CPLX2: variants seen among roughly 807,000 people sequenced by gnomAD.
The protein encoded by CPLX2 is complexin 2.
In CPLX2, 5 loss-of-function variants were observed where a neutral mutation model predicts 16.3. That is an observed-to-expected ratio of 0.31 (90% CI 0.16 to 0.64). The LOEUF is 0.64. Ranked by LOEUF, CPLX2 falls within the 30% of genes least tolerant of loss-of-function variation. The probability of loss-of-function intolerance (pLI) is 0.79; values close to 1 mark genes in which losing one functional copy is unlikely to be tolerated. For synonymous variants in CPLX2, 89 were observed against 73.2 expected, an observed-to-expected ratio of 1.22 and a Z score of -1.10; for missense variants, 144 against 181.4, an observed-to-expected ratio of 0.79 and a Z score of 1.18.
chr5:175,837,452 C>A (rs539846401), intron 2 of CPLX2: 1 of 152,226 alleles, frequency 6.6e-6, no homozygotes, highest in African/African-American at 2.4e-5. Context: ...GTGTTTTGCA[C>A]ACTAATTGCT....
chr5:175,822,371 C>T (rs1213743762), intron 2 of CPLX2, among the ~76,000 whole-genome samples: 1 of 152,204 alleles, frequency 6.6e-6, no homozygotes, highest in African/African-American at 2.4e-5. Context: ...AGGGTCTCAG[C>T]CCAGTGACTC....
chr5:175,837,573 G>A (rs1758861341), intron 2 of CPLX2: 1 of 152,262 alleles, frequency 6.6e-6, no homozygotes, highest in African/African-American at 2.4e-5. Flanking sequence ...GCTGGAAGAT[G>A]GATTCGGGGC....
chr5:175,859,404 T>C (rs1179953705), intron 2 of CPLX2, among the ~76,000 whole-genome samples: 1 of 152,056 alleles, frequency 6.6e-6, no homozygotes, highest in African/African-American at 2.4e-5. Context: ...AAAAGAGATA[T>C]CGAGAAGATC....
intron 1 of CPLX2, among the ~76,000 whole-genome samples, chr5:175,804,238 G>C (rs571087182): frequency 6.4e-4 from 98 of 152,324 alleles, no homozygotes; most frequent in Non-Finnish European, 1.2e-3. Context: ...CTTAACTGCA[G>C]GGACACTGCC....
chr5:175,808,211 C>G (rs905795839), intron 1 of CPLX2, among the ~76,000 whole-genome samples: 1 of 152,134 alleles, frequency 6.6e-6, no homozygotes, highest in Non-Finnish European at 1.5e-5. Context: ...ACCATCTCCC[C>G]CTCTCCGCAT....
chr5:175,877,146 G>A (rs1019226848), intron 1 of CPLX2, among the ~76,000 whole-genome samples: 4 of 151,904 alleles, frequency 2.6e-5, no homozygotes, highest in Admixed American at 2.6e-4. Context: ...GGGACCCCCA[G>A]CCAGTAAGTA....
At chr5:175,828,896 G>A (rs2113654845) in intron 2 of CPLX2, among the ~76,000 whole-genome samples, 1 of 152,320 alleles carries the variant, frequency 6.6e-6, no homozygotes, top group Non-Finnish European at 1.5e-5. Flanking sequence ...GAGAGGCTGT[G>A]ATTCATGGCC....
At chr5:175,841,014 G>A (rs1418192222) in intron 2 of CPLX2, among the ~76,000 whole-genome samples, 2 of 152,194 alleles carry the variant, frequency 1.3e-5, no homozygotes, top group Non-Finnish European at 2.9e-5. Context: ...CACAGTTGGG[G>A]AAACTGAGAT....
rs547304030 is a variant in CPLX2 at position 175,827,521 on chromosome 5, G to A, written c.-89+18453G>A. Among the ~76,000 whole-genome samples the A allele has an allele frequency of 1.8e-4, 27 of 152,228 alleles. No homozygotes were observed. The South Asian group carries it at 5.0e-3, about 28-fold the overall frequency. On this transcript the variant is annotated intron_variant, in intron 2 of 4. Transcript: ENST00000359546. ...TGTAATCCCAGCACTGTGGGAGGCC[G>A]GGGTGGTTGGATCACCTGAGGTCAG...
At chr5:175,858,801 C>G (rs1581095338) in intron 2 of CPLX2, among the ~76,000 whole-genome samples, 1 of 152,250 alleles carries the variant, frequency 6.6e-6, no homozygotes, top group East Asian at 1.9e-4. Flanking sequence ...CTGCCAGTAC[C>G]TCTTTGATAA....
At chr5:175,839,697 A>C (rs1038491922) in intron 2 of CPLX2, among the ~76,000 whole-genome samples, 1 of 152,256 alleles carries the variant, frequency 6.6e-6, no homozygotes, top group African/African-American at 2.4e-5. Flanking sequence ...ATTACATTAA[A>C]CATTATTTTA....
chr5:175,847,369 A>G (rs1235826600), intron 2 of CPLX2, among the ~76,000 whole-genome samples: 1 of 151,966 alleles, frequency 6.6e-6, no homozygotes, highest in Admixed American at 6.6e-5. Context: ...CCGAGGTCTC[A>G]CCCCCGACAC....
intron 2 of CPLX2, among the ~76,000 whole-genome samples, chr5:175,819,447 G>A (rs1440999332): frequency 1.3e-5 from 2 of 152,348 alleles, no homozygotes; most frequent in Middle Eastern, 3.4e-3. Context: ...GATTCTGGTG[G>A]ATGTGGAGTG....
intron 2 of CPLX2, among the ~76,000 whole-genome samples, chr5:175,813,056 T>C (rs1386338472): frequency 6.6e-6 from 1 of 152,286 alleles, no homozygotes; most frequent in East Asian, 1.9e-4. Context: ...CTCCCAGGGC[T>C]GTATGAGCAC....
intron 2 of CPLX2, among the ~76,000 whole-genome samples, chr5:175,822,018 C>T (rs1758519194): frequency 6.6e-6 from 1 of 152,208 alleles, no homozygotes; most frequent in Non-Finnish European, 1.5e-5. Context: ...GAAACGTGGG[C>T]TGACTCTGGG....
chr5:175,866,603 G>A (rs12515538), upstream of CPLX2, among the ~76,000 whole-genome samples: 1 of 152,146 alleles, frequency 6.6e-6, no homozygotes, highest in Non-Finnish European at 1.5e-5. Flanking sequence ...ACGGGATGAA[G>A]GCTGGCAGAG....
intron 2 of CPLX2, among the ~76,000 whole-genome samples, chr5:175,851,737 G>T (rs987578487): frequency 2.0e-5 from 3 of 152,230 alleles, no homozygotes; most frequent in African/African-American, 7.2e-5. Context: ...GCCCTCCAGG[G>T]TTTAGGAGGT....
rs181578844 is a variant in CPLX2 at position 175,817,104 on chromosome 5, G to C, written c.-89+8036G>C. Among the ~76,000 whole-genome samples, 322 of 152,368 alleles carry C rather than the reference G, an allele frequency of 2.1e-3. 1 individual carries two copies. The highest frequency in any genetic ancestry group is 7.4e-3 in the African/African-American group (309 of 41,600). ...CCAGACCATGGCCGATAGCAAGTCAGTGGGCCCCACTCCAGGGGGCTCCAA... is the reference window on the plus strand; with the variant it reads ...CCAGACCATGGCCGATAGCAAGTCACTGGGCCCCACTCCAGGGGGCTCCAA... On this transcript the variant is annotated intron_variant, in intron 2 of 4. Transcript: ENST00000359546.
chr5:175,871,480 A>AGAGAGG (rs1759616352), upstream of CPLX2: 1 of 146,620 alleles, frequency 6.8e-6, no homozygotes, highest in African/African-American at 2.5e-5. Flanking sequence ...AGAGAGAGAG[A>AGAGAGG]GAGAGATTTG....
Sources: gnomAD v4.1 joint callset for allele counts (sites outside exome capture counted in the v4.1 genomes callset) on GRCh38, gnomAD v4.1.1 for gene constraint, MANE v1.5 for transcripts, NCBI Gene and HGNC (gene_info 2026-07-23, HGNC 2026-07-21) for gene names.